ITM2C: variants seen among roughly 807,000 people sequenced by gnomAD.
ITM2C encodes BRICHOS domain containing 2C.
Under a neutral mutation model 30.0 loss-of-function variants are expected in ITM2C, and 20 were observed. The observed-to-expected ratio is 0.67, with a 90% CI of 0.47 to 0.97. The LOEUF (loss-of-function observed/expected upper bound fraction) is 0.97. Ranked by LOEUF, ITM2C falls within the 50% of genes least tolerant of loss-of-function variation. The pLI, the probability that ITM2C is intolerant of heterozygous loss-of-function variation, is 0.00. For synonymous variants in ITM2C, 167 were observed against 156.4 expected, an observed-to-expected ratio of 1.07 and a Z score of -0.51; for missense variants, 366 against 371.9, an observed-to-expected ratio of 0.98 and a Z score of 0.13.
In ITM2C at chr2:230,874,781, C is replaced by T. The variant is rs570723881; in HGVS notation, c.262-839C>T. ...GTCCCAAGCATGTATCTACAGGCCCCTCCAGGAGCCCCCTCCAGAAGTAAG... is the reference window on the plus strand; with the variant it reads ...GTCCCAAGCATGTATCTACAGGCCCTTCCAGGAGCCCCCTCCAGAAGTAAG... On this transcript the variant is annotated intron_variant, in intron 2 of 5. Coordinates refer to ENST00000326427, the MANE Select transcript of ITM2C (RefSeq NM_030926.6). Among the ~76,000 whole-genome samples the T allele has an allele frequency of 2.6e-3, 392 of 152,342 alleles. 2 individuals carry two copies. Among genetic ancestry groups the T allele is most frequent in the African/African-American group, 9.1e-3 (377 of 41,582 alleles).
At chr2:230,864,238 C>A (rs1043434831), upstream of ITM2C, among the ~76,000 whole-genome samples, 1 of 152,128 alleles carries the variant, frequency 6.6e-6, no homozygotes, top group Non-Finnish European at 1.5e-5. The surrounding 1 kb of genome is among the most constrained non-coding windows in gnomAD (Gnocchi z 4.3). Context: ...AGGAGGTCAC[C>A]CAATAACTGA....
chr2:230,873,607 T>G (rs765305373), intron 2 of ITM2C, 50 bp downstream of exon 2: 1 of 1,531,542 alleles, frequency 6.5e-7, no homozygotes. Context: ...GGGTCATGTC[T>G]AGAGAGGCAT....
intron 1 of ITM2C, 75 bp from the exon 2 acceptor site, chr2:230,873,342 A>C: frequency 1.4e-6 from 2 of 1,398,106 alleles, no homozygotes; most frequent in Admixed American, 2.6e-5. Context: ...CCAGCAGGTG[A>C]AGCCTGACTT....
rs749947193 is a variant in ITM2C, at chr2:230,877,570, C to T, written c.712+20C>T. 6.2e-7 allele frequency: 1 copy of T among 1,612,184 alleles called. No individual in the cohort carries two copies. The highest frequency in any genetic ancestry group is 1.3e-5 in the African/African-American group (1 of 74,892). ...GGAGGCGTGAGTGGCTGGCTTCACC[C>T]ACAGTAGCCCCTGTCCCGTGCCCCA... On this transcript the variant is annotated intron_variant, in intron 5 of 5. Transcript: ENST00000326427. The surrounding 1 kb of genome is among the most constrained non-coding windows in gnomAD (Gnocchi z 4.8).
chr2:230,864,481 AG>A (rs988002988), upstream of ITM2C, among the ~76,000 whole-genome samples: 6 of 152,012 alleles, frequency 3.9e-5, no homozygotes, highest in Non-Finnish European at 7.4e-5. This position sits in a 1 kb window ranked among gnomAD's most constrained non-coding sequence, Gnocchi z 4.3. Context: ...AGGTCGGAGG[AG>A]GGGGGCGTGG....
At chr2:230,870,674 C>T (rs73096767) in intron 1 of ITM2C, among the ~76,000 whole-genome samples, 14,497 of 152,254 alleles carry the variant, frequency 0.095, 1,797 homozygotes, top group African/African-American at 0.29. Flanking sequence ...TAACCTCCCT[C>T]GGTGGGGCCT....
At chr2:230,871,406 C>A (rs1240526856) in intron 1 of ITM2C, among the ~76,000 whole-genome samples, 1 of 152,252 alleles carries the variant, frequency 6.6e-6, no homozygotes, top group Admixed American at 6.5e-5. Flanking sequence ...GGTGTCACCC[C>A]CGTCTCTTGC....
chr2:230,875,603 C>G lies in ITM2C; in HGVS notation c.262-17C>G. ...CCAGCCTCTCTGACTGTCTGTCTGTCTCTCCGCCTTGCTCAGCTGGCCCGA... is the reference window on the plus strand; with the variant it reads ...CCAGCCTCTCTGACTGTCTGTCTGTGTCTCCGCCTTGCTCAGCTGGCCCGA... On this transcript the variant is annotated splice_polypyrimidine_tract_variant and intron_variant, in intron 2 of 5. Coordinates refer to ENST00000326427, the MANE Select transcript of ITM2C (RefSeq NM_030926.6). The G allele has an allele frequency of 6.3e-7, 1 of 1,582,140 alleles. No homozygotes were observed. The highest frequency in any genetic ancestry group is 8.6e-7 in the Non-Finnish European group (1 of 1,163,758).
rs550434915 is a variant in ITM2C, at chr2:230,868,118, G to A, written c.120+2973G>A. 2.0e-4 allele frequency among the ~76,000 whole-genome samples: 30 copies of A among 152,254 alleles called. No homozygotes were observed. The South Asian group carries it at 5.8e-3, about 29-fold the overall frequency. The stretch of plus-strand genomic sequence containing the variant: ...GGTGAGGCGGCAGGAGCACCCTCTC[G>A]GTGGGCACTGCCCCTGCTTCTGAGC... On this transcript the variant is annotated intron_variant, in intron 1 of 5. Transcript: ENST00000326427.
In ITM2C at chr2:230,877,422, C is replaced by T. The variant is rs1203713382; in HGVS notation, c.584C>T (p.Thr195Met). The T allele has an allele frequency of 1.9e-6, 3 of 1,613,960 alleles. No individual in the cohort carries two copies. Among genetic ancestry groups the T allele is most frequent in the South Asian group, 1.1e-5 (1 of 91,080 alleles). Residue 195 changes from threonine to methionine, a missense_variant, in exon 5 of 6, where the codon ACG becomes ATG. By Grantham distance (81) the Thr-to-Met change is moderately conservative. Transcript: ENST00000326427. This position sits in a 1 kb window ranked among gnomAD's most constrained non-coding sequence, Gnocchi z 4.8. ...NVKRGTYLPQ[T>M]YIIQEEMVVT... ...CAGAGGGGGACCTACCTGCCGCAGA[C>T]GTACATCATCCAGGAGGAGATGGTG...
Position 230,867,478 on chromosome 2 carries a change from C to A in ITM2C, c.120+2333C>A, listed in dbSNP as rs1042827079. ...ATTTCTCAGCTGTAGCTCTGTGAGC[C>A]GAGGGATGGCAGCCAGGAGGCTGCT... On this transcript the variant is annotated intron_variant, in intron 1 of 5. Transcript: ENST00000326427. 4.6e-5 allele frequency among the ~76,000 whole-genome samples: 7 copies of A among 152,074 alleles called. No individual in the cohort carries two copies. The South Asian group carries it at 1.2e-3, about 27-fold the overall frequency.
At chr2:230,876,392 C>T (rs1289738004) in intron 3 of ITM2C, among the ~76,000 whole-genome samples, 2 of 152,130 alleles carry the variant, frequency 1.3e-5, no homozygotes, top group Non-Finnish European at 2.9e-5. Flanking sequence ...AGGGAGTGCC[C>T]GCCCAGGTAT....
rs201528468 is a variant in ITM2C, at chr2:230,877,574, G to A, written c.712+24G>A. On this transcript the variant is annotated intron_variant, in intron 5 of 5. Coordinates refer to ENST00000326427, the MANE Select transcript of ITM2C (RefSeq NM_030926.6). The surrounding 1 kb of genome is among the most constrained non-coding windows in gnomAD (Gnocchi z 4.8). ...GCGTGAGTGGCTGGCTTCACCCACA[G>A]TAGCCCCTGTCCCGTGCCCCAGACC... The A allele has an allele frequency of 3.1e-6, 5 of 1,612,062 alleles. No homozygotes were observed. The Admixed American group carries it at 6.7e-5, about 21-fold the overall frequency.
Position 230,875,823 on chromosome 2 carries a change from G to T in ITM2C, c.450+15G>T. 2.2e-6 allele frequency: 1 copy of T among 460,386 alleles called. No homozygotes were observed. Among genetic ancestry groups the T allele is most frequent in the Non-Finnish European group, 3.9e-6 (1 of 256,854 alleles). 28.5% of individuals were successfully genotyped at this position (460,386 alleles called of 1,614,324 possible). On this transcript the variant is annotated intron_variant, in intron 3 of 5. Transcript: ENST00000326427. The stretch of plus-strand genomic sequence containing the variant: ...ACTTCCAGCGGGTGAGGCTGGCCAG[G>T]GCCTGGGGGTGGGGGGTGGGAGGGT...
chr2:230,872,883 C>A (rs1697197848), intron 1 of ITM2C, among the ~76,000 whole-genome samples: 1 of 152,158 alleles, frequency 6.6e-6, no homozygotes, highest in South Asian at 2.1e-4. Flanking sequence ...TTTTAGTCTA[C>A]CCTCTGCACC....
At position 230,878,144 on chromosome 2, in the gene ITM2C, T is replaced by C. The variant is rs1689974739; in HGVS notation, c.*45T>C. 1.4e-6 allele frequency: 2 copies of C among 1,419,946 alleles called. No individual in the cohort carries two copies. The highest frequency in any genetic ancestry group is 2.7e-5 in the South Asian group (2 of 74,512). 88.0% of individuals were successfully genotyped at this position (1,419,946 alleles called of 1,614,324 possible). ...CCCCTGCCGTGTTCCTCTTTTCTTCTTTCCGGCTGCTCTCTGGCCCTCCTC... is the reference window on the plus strand; with the variant it reads ...CCCCTGCCGTGTTCCTCTTTTCTTCCTTCCGGCTGCTCTCTGGCCCTCCTC... On this transcript the variant is annotated 3_prime_UTR_variant, in exon 6 of 6. Transcript: ENST00000326427. The surrounding 1 kb of genome is among the most constrained non-coding windows in gnomAD (Gnocchi z 4.5).
chr2:230,875,853 C>T (rs375739260), intron 3 of ITM2C, 45 bp downstream of exon 3: 16 of 1,168,524 alleles, frequency 1.4e-5, no homozygotes, highest in Admixed American at 7.7e-5. Context: ...GAGGGTGTCC[C>T]GGGGACTCAG....
rs192091798 is a variant in ITM2C at position 230,873,715 on chromosome 2, C to G, written c.261+158C>G. On this transcript the variant is annotated intron_variant, in intron 2 of 5. Coordinates refer to ENST00000326427, the MANE Select transcript of ITM2C (RefSeq NM_030926.6). ...GCCCACAAGACTGGGGTGCCCCCTC[C>G]TCCTTGGGGCCTCCTTGGATGCAGG... 3.0e-3 allele frequency among the ~76,000 whole-genome samples: 459 copies of G among 152,328 alleles called. 2 individuals are homozygous for G. Among genetic ancestry groups the G allele is most frequent in the African/African-American group, 0.011 (444 of 41,572 alleles).
In ITM2C at chr2:230,873,548, C is replaced by T. The variant is rs2289234; in HGVS notation, c.252C>T (p.Phe84=). 0.49 allele frequency: 784,374 copies of T among 1,601,234 alleles called. 198,493 individuals are homozygous for T. Among genetic ancestry groups the T allele is most frequent in the East Asian group, 0.79 (34,913 of 44,188 alleles). ...FASVYIYRYF[F]LAQLARDNFF... ...CTGTCTACATCTACAGATACTTCTT[C>T]CTTGCGCAGGTGAGGGGCCGGGCCA... Residue 84 remains phenylalanine, a synonymous_variant, in exon 2 of 6, where the codon TTC becomes TTT. Coordinates refer to ENST00000326427, the MANE Select transcript of ITM2C (RefSeq NM_030926.6).
Sources: gnomAD v4.1 joint callset for allele counts (sites outside exome capture counted in the v4.1 genomes callset) on GRCh38, gnomAD v4.1.1 for gene constraint, Gnocchi (gnomAD v3.1) non-coding constraint, MANE v1.5 for transcripts, NCBI Gene and HGNC (gene_info 2026-07-23, HGNC 2026-07-21) for gene names.